The following CDH12 variants were observed in gnomAD, a reference collection of about 807,000 sequenced individuals.
CDH12 encodes the protein cadherin-12.
CDH12 carries 41 observed loss-of-function variants against 74.1 expected under a neutral mutation model. The observed-to-expected ratio is 0.55, with a 90% CI of 0.43 to 0.72. The LOEUF (loss-of-function observed/expected upper bound fraction) is 0.72, where lower values mean the gene tolerates loss of function less well. Ranked by LOEUF, CDH12 falls within the 30% of genes least tolerant of loss-of-function variation. The pLI, the probability that CDH12 is intolerant of heterozygous loss-of-function variation, is 0.00. For missense variants in CDH12, 945 were observed against 977.2 expected, an observed-to-expected ratio of 0.97 and a Z score of 0.44; for synonymous variants, 399 against 355.0, an observed-to-expected ratio of 1.12 and a Z score of -1.39.
At chr5:22,407,634 T>C (rs1217207545) in intron 2 of CDH12, among the ~76,000 whole-genome samples, 1 of 152,068 alleles carries the variant, frequency 6.6e-6, no homozygotes, top group Non-Finnish European at 1.5e-5. Flanking sequence ...AGCTTACCTG[T>C]CATCATCTTT....
At chr5:22,444,362 T>A (rs1744738212) in intron 2 of CDH12, among the ~76,000 whole-genome samples, 1 of 152,058 alleles carries the variant, frequency 6.6e-6, no homozygotes, top group Non-Finnish European at 1.5e-5. Flanking sequence ...CACTTCTCCC[T>A]CTCGTTTGTA....
intron 5 of CDH12, among the ~76,000 whole-genome samples, chr5:21,990,641 T>C (rs1220552635): frequency 6.6e-6 from 1 of 152,062 alleles, no homozygotes; most frequent in Non-Finnish European, 1.5e-5. Flanking sequence ...TTCAATAAGA[T>C]TGTAGAAAAA....
At chr5:21,804,288 G>A (rs1197991948) in intron 9 of CDH12, among the ~76,000 whole-genome samples, 1 of 152,024 alleles carries the variant, frequency 6.6e-6, no homozygotes. Flanking sequence ...GAATAGAAGT[G>A]TAGTATCTGA....
intron 1 of CDH12, among the ~76,000 whole-genome samples, chr5:22,655,056 G>T (rs186243915): frequency 6.6e-6 from 1 of 152,028 alleles, no homozygotes; most frequent in Non-Finnish European, 1.5e-5. Flanking sequence ...TTCCCTTATC[G>T]TGACAAAAAT....
At chr5:22,034,977 G>A (rs1739071761) in intron 5 of CDH12, among the ~76,000 whole-genome samples, 1 of 152,116 alleles carries the variant, frequency 6.6e-6, no homozygotes, top group Non-Finnish European at 1.5e-5. Flanking sequence ...TGGTGAAACT[G>A]ACTTTCTTCT....
chr5:22,360,623 CA>C (rs949171738), intron 3 of CDH12, among the ~76,000 whole-genome samples: 1 of 151,382 alleles, frequency 6.6e-6, no homozygotes, highest in Non-Finnish European at 1.5e-5. Flanking sequence ...AGAGACACAA[CA>C]AAAAAAAGAG....
intron 8 of CDH12, among the ~76,000 whole-genome samples, chr5:21,828,550 A>G (rs1748810083): frequency 6.6e-6 from 1 of 152,154 alleles, no homozygotes; most frequent in Non-Finnish European, 1.5e-5. Context: ...GTCTCTTCCC[A>G]TGTATATTTT....
At chr5:22,390,667 C>T (rs545600271) in intron 3 of CDH12, among the ~76,000 whole-genome samples, 61 of 151,872 alleles carry the variant, frequency 4.0e-4, no homozygotes, top group Admixed American at 8.5e-4. Flanking sequence ...TTAACAAAAT[C>T]GCATCTCTAG....
At chr5:22,363,326 T>C (rs888312719) in intron 3 of CDH12, among the ~76,000 whole-genome samples, 1 of 152,136 alleles carries the variant, frequency 6.6e-6, no homozygotes, top group Admixed American at 6.6e-5. Context: ...TCTTTCCAGG[T>C]TTATATAACA....
chr5:21,960,390 C>T (rs1299886279), intron 6 of CDH12, among the ~76,000 whole-genome samples: 2 of 152,130 alleles, frequency 1.3e-5, no homozygotes, highest in Non-Finnish European at 2.9e-5. Context: ...CTTTACTAAT[C>T]TCTAATGCTT....
At position 21,992,764 on chromosome 5, in the gene CDH12, C is replaced by CA. The variant is rs199858956; in HGVS notation, c.232-17380dup. ...TATAAACGGAATTTCCAAGACTAACCAGGGTCCAAACATACTTCAGTGTAT... is the reference window on the plus strand; with the variant it reads ...TATAAACGGAATTTCCAAGACTAACCAAGGGTCCAAACATACTTCAGTGTAT... On this transcript the variant is annotated intron_variant, in intron 5 of 14. Transcript: ENST00000382254. Among the ~76,000 whole-genome samples, 987 of 152,152 alleles carry CA rather than the reference C, an allele frequency of 6.5e-3. 12 individuals carry two copies. The highest frequency in any genetic ancestry group is 0.023 in the African/African-American group (950 of 41,502).
chr5:21,835,613 C>T (rs1208802780), intron 8 of CDH12, among the ~76,000 whole-genome samples: 1 of 151,636 alleles, frequency 6.6e-6, no homozygotes, highest in African/African-American at 2.4e-5. Context: ...TACCATTTTC[C>T]AAGTTTAAGA....
At chr5:22,183,913 T>C (rs1749787790) in intron 4 of CDH12, among the ~76,000 whole-genome samples, 1 of 152,128 alleles carries the variant, frequency 6.6e-6, no homozygotes, top group South Asian at 2.1e-4. Flanking sequence ...AAGGGTCCTT[T>C]CTACACAAAA....
At chr5:22,402,159 G>A (rs1561376243) in intron 3 of CDH12, among the ~76,000 whole-genome samples, 1 of 152,204 alleles carries the variant, frequency 6.6e-6, no homozygotes, top group South Asian at 2.1e-4. Context: ...AATGCAGAAG[G>A]TGATTTGGAT....
At chr5:22,611,054 A>T (rs1737371999) in intron 1 of CDH12, among the ~76,000 whole-genome samples, 1 of 152,138 alleles carries the variant, frequency 6.6e-6, no homozygotes, top group Admixed American at 6.6e-5. Flanking sequence ...TGTATTACGC[A>T]TATCATCACT....
chr5:22,046,209 A>C (rs1185346014), intron 5 of CDH12, among the ~76,000 whole-genome samples: 1 of 152,178 alleles, frequency 6.6e-6, no homozygotes, highest in Non-Finnish European at 1.5e-5. Flanking sequence ...TAATTTAAAA[A>C]CTGACAAGAT....
intron 2 of CDH12, among the ~76,000 whole-genome samples, chr5:22,497,769 A>G (rs970593562): frequency 2.0e-5 from 3 of 149,684 alleles, no homozygotes; most frequent in Admixed American, 6.8e-5. Context: ...CAGCCTCCTA[A>G]GTGGCTGGAA....
intron 3 of CDH12, among the ~76,000 whole-genome samples, chr5:22,374,525 C>T (rs146055747): frequency 3.3e-5 from 5 of 152,172 alleles, no homozygotes; most frequent in Non-Finnish European, 7.4e-5. Context: ...AATTATTCAT[C>T]CTTGCTGGTG....
intron 5 of CDH12, among the ~76,000 whole-genome samples, chr5:22,023,317 C>A (rs1293604852): frequency 6.6e-6 from 1 of 151,874 alleles, no homozygotes; most frequent in African/African-American, 2.4e-5. Flanking sequence ...ATTTTAATAC[C>A]CTGTTATTTC....
Sources: gnomAD v4.1 joint callset for allele counts (sites outside exome capture counted in the v4.1 genomes callset) on GRCh38, gnomAD v4.1.1 for gene constraint, MANE v1.5 for transcripts, NCBI Gene and HGNC (gene_info 2026-07-23, HGNC 2026-07-21) for gene names.